The following DOCK1 variants were observed in gnomAD, a reference collection of about 807,000 sequenced individuals.
DOCK1 encodes the protein dedicator of cytokinesis protein 1.
A neutral mutation model predicts 262.7 loss-of-function variants in DOCK1; 138 were observed. The observed-to-expected ratio is 0.53, with a 90% confidence interval of 0.46 to 0.61. The LOEUF is 0.61. DOCK1 is among the 20% of genes least tolerant of loss of function. The probability of loss-of-function intolerance (pLI) is 0.00; values close to 1 mark genes in which losing one functional copy is unlikely to be tolerated. For missense variants in DOCK1, 1,908 were observed against 2,370.7 expected (o/e 0.80, Z 4.05); for synonymous variants, 866 against 867.4 (o/e 1.00, Z 0.03).
At position 127,146,048 on chromosome 10, in the gene DOCK1, G is replaced by C. The variant is rs1327459158; in HGVS notation, c.2847+18284G>C. 7.7e-6 allele frequency: 4 copies of C among 518,488 alleles called. No individual in the cohort carries two copies. In the Admixed American group the frequency reaches 7.8e-5, roughly 10 times the overall value. The allele number at this position is 518,488 out of a possible 1,614,324, so 32.1% of individuals were successfully genotyped here. ...TGGAATTTCATACGACCCAGCCCTA[G>C]ACATCGTGGCCAGGACTGCGTCCCG... is the stretch of plus-strand genomic sequence containing the variant. On this transcript the variant is annotated intron_variant, in intron 27 of 51. Coordinates refer to ENST00000623213, the MANE Select transcript of DOCK1 (RefSeq NM_001290223.2).
intron 1 of DOCK1, among the ~76,000 whole-genome samples, chr10:126,961,259 G>A (rs1441796070): frequency 6.6e-6 from 1 of 152,174 alleles, no homozygotes; most frequent in Admixed American, 6.5e-5. Flanking sequence ...CAAAAGGAGT[G>A]ACTTGGTGAC....
rs1197321988 is a variant in DOCK1, at chr10:127,176,854, G to A, written c.2847+49090G>A. The A allele has an allele frequency of 6.4e-6, 1 of 155,730 alleles. No individual in the cohort carries two copies. The highest frequency in any genetic ancestry group is 1.9e-4 in the East Asian group (1 of 5,288). 9.6% of individuals were successfully genotyped at this position (155,730 alleles called of 1,614,324 possible). ...ATTAATCTATTGCTGGAATCTGGGA[G>A]AGCTGCTGTTTTAAAGACTTACTGG... On this transcript the variant is annotated intron_variant, in intron 27 of 51. Transcript: ENST00000623213. The surrounding 1 kb of genome is among the most constrained non-coding windows in gnomAD (Gnocchi z 4.4).
intron 31 of DOCK1, among the ~76,000 whole-genome samples, chr10:127,344,978 C>T (rs765854245): frequency 3.9e-5 from 6 of 152,204 alleles, no homozygotes; most frequent in Non-Finnish European, 5.9e-5. Flanking sequence ...CAAATACTCA[C>T]CATTGTGTTA....
intron 1 of DOCK1, among the ~76,000 whole-genome samples, chr10:126,951,218 A>G (rs1460377213): frequency 2.2e-5 from 3 of 135,890 alleles, no homozygotes; most frequent in East Asian, 2.2e-4. Flanking sequence ...GGTGGTGGTA[A>G]TATTGGTGAT....
At position 127,018,727 on chromosome 10, in the gene DOCK1, A is replaced by C; in HGVS notation, c.1219A>C (p.Lys407Gln). 6.2e-7 allele frequency: 1 copy of C among 1,614,074 alleles called. No homozygotes were observed. The highest frequency in any genetic ancestry group is 8.5e-7 in the Non-Finnish European group (1 of 1,179,910). The change falls in exon 13 of 52, where the codon AAA becomes CAA. Residue 407 changes from lysine to glutamine, a missense_variant. Lys to Gln is a moderately conservative substitution (Grantham distance 53, BLOSUM62 1). Coordinates refer to ENST00000623213, the MANE Select transcript of DOCK1 (RefSeq NM_001290223.2). Reference protein sequence around the residue: ...HKGQGLWVTLKLLPGDIHQIR... With the variant: ...HKGQGLWVTLQLLPGDIHQIR... ...TTTTCCAGGTTTGTGGGTAACATTG[A>C]AATTACTTCCTGGAGATATCCATCA...
chr10:127,135,698 TC>T (rs1404464700), intron 27 of DOCK1: 2 of 152,670 alleles, frequency 1.3e-5, no homozygotes, highest in Non-Finnish European at 2.9e-5. Context: ...TAATTTATCT[TC>T]AGAAGTTCCT....
intron 1 of DOCK1, among the ~76,000 whole-genome samples, chr10:126,960,884 GAAAT>G (rs2037163554): frequency 6.8e-6 from 1 of 146,928 alleles, no homozygotes; most frequent in South Asian, 2.2e-4. Context: ...AAAAAAAAAA[GAAAT>G]AAGATAGTTG....
At chr10:126,932,889 G>A (rs1426625606) in intron 1 of DOCK1, among the ~76,000 whole-genome samples, 2 of 152,156 alleles carry the variant, frequency 1.3e-5, no homozygotes, top group African/African-American at 4.8e-5. Context: ...ACTGGGCCCA[G>A]TGTCACCGTC....
At chr10:127,091,157 G>A (rs1387796171) in intron 23 of DOCK1, among the ~76,000 whole-genome samples, 1 of 151,630 alleles carries the variant, frequency 6.6e-6, no homozygotes, top group Non-Finnish European at 1.5e-5. Context: ...AATTTTTTTT[G>A]CATTTTTAGT....
At chr10:127,037,947 A>G in intron 19 of DOCK1, 131 bp downstream of exon 19, 1 of 783,244 alleles carries the variant, frequency 1.3e-6, no homozygotes, top group Non-Finnish European at 1.9e-6. Context: ...AAATAGTGAC[A>G]TAGGGATTGG....
intron 33 of DOCK1, among the ~76,000 whole-genome samples, chr10:127,371,029 A>C (rs969405222): frequency 6.6e-6 from 1 of 152,246 alleles, no homozygotes; most frequent in Admixed American, 6.5e-5. Context: ...CCTTGTTGCA[A>C]ATCACCAGAC....
intron 1 of DOCK1, among the ~76,000 whole-genome samples, chr10:126,967,894 A>G (rs2134636450): frequency 6.6e-6 from 1 of 151,714 alleles, no homozygotes; most frequent in Non-Finnish European, 1.5e-5. Flanking sequence ...GCTCATTGCA[A>G]CCTCTGCCTC....
intron 25 of DOCK1, among the ~76,000 whole-genome samples, chr10:127,115,828 G>A (rs1377081258): frequency 2.0e-5 from 3 of 152,216 alleles, no homozygotes; most frequent in Non-Finnish European, 4.4e-5. Context: ...TTCTGAATCT[G>A]ACAGCTTTGG....
chr10:127,297,807 C>G (rs1416241110), intron 29 of DOCK1, among the ~76,000 whole-genome samples: 2 of 152,036 alleles, frequency 1.3e-5, no homozygotes, highest in African/African-American at 4.8e-5. Flanking sequence ...GCATTTTTAG[C>G]AGAAAGTGAT....
chr10:127,260,686 T>G (rs1350737737), intron 29 of DOCK1, among the ~76,000 whole-genome samples: 3 of 146,668 alleles, frequency 2.0e-5, no homozygotes, highest in Non-Finnish European at 4.5e-5. Context: ...TGCATGTGGG[T>G]GTGTGTGTAC....
At chr10:127,400,913 T>C (rs890835704) in intron 38 of DOCK1, among the ~76,000 whole-genome samples, 2 of 152,158 alleles carry the variant, frequency 1.3e-5, no homozygotes, top group African/African-American at 4.8e-5. Context: ...ATAAAGCTAA[T>C]GAAAGGCCAT....
At chr10:126,939,033 T>C (rs1234818429) in intron 1 of DOCK1, among the ~76,000 whole-genome samples, 1 of 88,038 alleles carries the variant, frequency 1.1e-5, no homozygotes, top group Non-Finnish European at 2.0e-5. Flanking sequence ...CCTGAAGGGA[T>C]GAACACGGTG....
intron 29 of DOCK1, among the ~76,000 whole-genome samples, chr10:127,299,309 G>A (rs2061603610): frequency 6.6e-6 from 1 of 152,184 alleles, no homozygotes; most frequent in Admixed American, 6.5e-5. Flanking sequence ...TCACCATGTT[G>A]GCCAGGCTGG....
Position 127,018,613 on chromosome 10 carries a change from G to C in DOCK1, c.1202-97G>C. 8 of 1,576,118 alleles carry C rather than the reference G, an allele frequency of 5.1e-6. No individual in the cohort carries two copies. The South Asian group carries it at 9.1e-5, about 18-fold the overall frequency. On this transcript the variant is annotated intron_variant, in intron 12 of 51. Coordinates refer to ENST00000623213, the MANE Select transcript of DOCK1 (RefSeq NM_001290223.2). ...CTTTTCTCTCAAGATGTTGAATTGT[G>C]AATTAAAAGTCTCTCATTCATTGAA...
Sources: allele counts gnomAD v4.1 joint callset (sites outside exome capture counted in the v4.1 genomes callset), GRCh38; gene constraint gnomAD v4.1.1; non-coding constraint Gnocchi (gnomAD v3.1); transcripts MANE v1.5; gene names NCBI Gene and HGNC (gene_info 2026-07-23, HGNC 2026-07-21).